The following DENND6B variants were observed in gnomAD, a reference collection of about 807,000 sequenced individuals.
DENND6B encodes the protein protein DENND6B.
DENND6B carries 73 observed loss-of-function variants against 85.1 expected under a neutral mutation model. The observed-to-expected ratio is 0.86, with a 90% CI of 0.71 to 1.04. DENND6B has a LOEUF of 1.04. DENND6B is among the 50% of genes least tolerant of loss of function. The probability of loss-of-function intolerance (pLI) is 0.00; values close to 1 mark genes in which losing one functional copy is unlikely to be tolerated. For missense variants in DENND6B, 715 were observed against 785.8 expected, an observed-to-expected ratio of 0.91 and a Z score of 1.08; for synonymous variants, 357 against 329.3, an observed-to-expected ratio of 1.08 and a Z score of -0.91.
chr22:50,314,504 CAG>C lies in DENND6B; in HGVS notation c.978-12_978-11del, dbSNP rs750622710. 8 of 1,556,194 alleles carry C rather than the reference CAG, an allele frequency of 5.1e-6. No homozygotes were observed. Among genetic ancestry groups the C allele is most frequent in the East Asian group, 2.4e-5 (1 of 41,588 alleles). On this transcript the variant is annotated splice_polypyrimidine_tract_variant and intron_variant, in intron 11 of 19. Transcript: ENST00000413817. ...CAGGACCACGTTTGGTCTAGACAGACAGAGAGAGAGAAGAGGCAGAGACAGAG... is the reference window on the plus strand; with the variant it reads ...CAGGACCACGTTTGGTCTAGACAGACAGAGAGAGAAGAGGCAGAGACAGAG...
rs1448858823 is a variant in DENND6B, at chr22:50,314,485, C to T, written c.987G>A (p.Val329=). Residue 329 remains valine (V), a synonymous_variant, in exon 12 of 20, where the codon GTG becomes GTA. Transcript: ENST00000413817. The part of the protein sequence containing the change: ...FTTRTQAPPN[V]VLGVTNPFFI... ...AGAAAGGGTTTGTGACTCCCAGGACCACGTTTGGTCTAGACAGACAGAGAG... is the reference window on the plus strand; with the variant it reads ...AGAAAGGGTTTGTGACTCCCAGGACTACGTTTGGTCTAGACAGACAGAGAG... The T allele has an allele frequency of 6.4e-7, 1 of 1,559,596 alleles. No homozygotes were observed. The highest frequency in any genetic ancestry group is 2.4e-5 in the East Asian group (1 of 41,952).
chr22:50,317,054 G>T (rs1356048114), intron 5 of DENND6B: 1 of 194,806 alleles, frequency 5.1e-6, no homozygotes, highest in Admixed American at 7.0e-5. Flanking sequence ...GCGGGGGGCC[G>T]CGAGGACAGG....
intron 1 of DENND6B, 77 bp downstream of exon 1, chr22:50,326,735 G>T: frequency 8.1e-7 from 1 of 1,232,544 alleles, no homozygotes; most frequent in South Asian, 2.3e-5. Context: ...GCGGCCGAGG[G>T]CCCCAAGCGA....
intron 1 of DENND6B, among the ~76,000 whole-genome samples, chr22:50,323,370 A>G (rs944471820): frequency 6.8e-5 from 10 of 147,738 alleles, no homozygotes; most frequent in African/African-American, 2.5e-4. Flanking sequence ...GCTCACTGCA[A>G]CCTCCACCTC....
rs756948906 is a variant in DENND6B at position 50,312,121 on chromosome 22, G to A, written c.*18C>T. On this transcript the variant is annotated 3_prime_UTR_variant, in exon 20 of 20. Coordinates refer to ENST00000413817, the MANE Select transcript of DENND6B (RefSeq NM_001001794.4). ...CAGGCAGACCTAGGGCCCTGGGACC[G>A]TGGCCCTTGGCTTTGTTCTAGGGAG... The A allele has an allele frequency of 1.1e-5, 18 of 1,611,100 alleles. No individual in the cohort carries two copies. The highest frequency in any genetic ancestry group is 6.7e-5 in the Admixed American group (4 of 59,920).
At chr22:50,319,665 CCCG>C (rs1437932878) in intron 1 of DENND6B, among the ~76,000 whole-genome samples, 10 of 152,268 alleles carry the variant, frequency 6.6e-5, no homozygotes, top group South Asian at 2.1e-4. Context: ...TCCCTCACCA[CCCG>C]CCAAGCCAGA....
rs2041951587 is a variant in DENND6B at position 50,318,991 on chromosome 22, T to C, written c.190A>G (p.Asn64Asp). Residue 64 changes from asparagine to aspartate, a missense_variant, in exon 2 of 20, where the codon AAC becomes GAC. By Grantham distance (23) the Asn-to-Asp change is conservative (BLOSUM62 1). Transcript: ENST00000413817. The stretch of plus-strand genomic sequence containing the variant: ...TCCTTGTCTGTGAGCCGGAAGTCGT[T>C]CGGATACACCAGCTGCAGAGGAAGA... ...LGQALELVYPNDFRLTDKEKS... is the reference protein window; with the variant it reads ...LGQALELVYPDDFRLTDKEKS... The C allele has an allele frequency of 6.2e-7, 1 of 1,601,820 alleles. No individual in the cohort carries two copies. The highest frequency in any genetic ancestry group is 1.1e-5 in the South Asian group (1 of 89,032).
chr22:50,313,738 A>C lies in DENND6B; in HGVS notation c.1204-14T>G. ...CTTCTGCACGCCCTGCAGGGGAGAG[A>C]GGGCCAGGCCCTTGCTGCGCTTCAC... On this transcript the variant is annotated splice_polypyrimidine_tract_variant and intron_variant, in intron 14 of 19. Coordinates refer to ENST00000413817, the MANE Select transcript of DENND6B (RefSeq NM_001001794.4). The C allele has an allele frequency of 6.2e-7, 1 of 1,604,890 alleles. No individual in the cohort carries two copies. Among genetic ancestry groups the C allele is most frequent in the Non-Finnish European group, 8.5e-7 (1 of 1,177,150 alleles).
chr22:50,320,456 C>T (rs1468182762), intron 1 of DENND6B, among the ~76,000 whole-genome samples: 1 of 152,238 alleles, frequency 6.6e-6, no homozygotes, highest in Non-Finnish European at 1.5e-5. Flanking sequence ...TCTTCCAATG[C>T]AGAGTAAGTC....
At chr22:50,316,541 C>T (rs771168561) in intron 5 of DENND6B, 66 bp from the exon 6 acceptor site, 208 of 1,548,010 alleles carry the variant, frequency 1.3e-4, no homozygotes, top group Non-Finnish European at 1.3e-4. Flanking sequence ...CAGGAGCCCA[C>T]GGGGACCACC....
chr22:50,313,186 C>T, intron 16 of DENND6B, 78 bp from the exon 17 acceptor site: 1 of 1,380,084 alleles, frequency 7.2e-7, no homozygotes, highest in Non-Finnish European at 1.0e-6. Context: ...CAGACACACT[C>T]CTCACCACTT....
chr22:50,324,995 C>T (rs1372790459), intron 1 of DENND6B, among the ~76,000 whole-genome samples: 1 of 152,196 alleles, frequency 6.6e-6, no homozygotes, highest in South Asian at 2.1e-4. Context: ...TGGGTGCTCC[C>T]TAAGTCTGTA....
rs749502822 is a variant in DENND6B at position 50,312,226 on chromosome 22, C to G, written c.1671G>C (p.Glu557Asp). Reference sequence around the variant, plus strand: ...ACAGCTGTGCCCGCTGCAGCGTAGCCTCCTTCACAGGGAGCTGGTGGCCCT... The same window carrying G: ...ACAGCTGTGCCCGCTGCAGCGTAGCGTCCTTCACAGGGAGCTGGTGGCCCT... ...RAQGHQLPVK[E>D]ATLQRAQLYI... The change falls in exon 20 of 20, where the codon GAG (glutamate) becomes GAC (aspartate). Residue 557 changes from glutamate (E) to aspartate (D), a missense_variant. Glu to Asp is a conservative substitution (Grantham distance 45, BLOSUM62 2). Transcript: ENST00000413817. 6.2e-7 allele frequency: 1 copy of G among 1,612,358 alleles called. No individual in the cohort carries two copies. The highest frequency in any genetic ancestry group is 2.2e-5 in the East Asian group (1 of 44,860).
rs532112067 is a variant in DENND6B, at chr22:50,313,195, T to C, written c.1348-87A>G. 24 of 1,336,282 alleles carry C rather than the reference T, an allele frequency of 1.8e-5. No homozygotes were observed. In the Middle Eastern group the frequency reaches 7.3e-4, roughly 41 times the overall value. 82.8% of individuals were successfully genotyped at this position (1,336,282 alleles called of 1,614,324 possible). On this transcript the variant is annotated intron_variant, in intron 16 of 19. Transcript: ENST00000413817. ...GCTTCCCAGACACACTCCTCACCAC[T>C]TCTGAAGACCCCCAGCCCCCACCCT...
At chr22:50,318,516 G>A (rs2041929870) in intron 3 of DENND6B, among the ~76,000 whole-genome samples, 1 of 152,166 alleles carries the variant, frequency 6.6e-6, no homozygotes, top group East Asian at 1.9e-4. Flanking sequence ...AGAAAACCAG[G>A]CACCAGAAAA....
At chr22:50,315,636 A>C in intron 9 of DENND6B, 78 bp downstream of exon 9, 2 of 1,465,172 alleles carry the variant, frequency 1.4e-6, no homozygotes, top group Non-Finnish European at 1.9e-6. Flanking sequence ...TCACACACAG[A>C]TGCACACATG....
intron 4 of DENND6B, 36 bp downstream of exon 4, chr22:50,317,872 G>T: frequency 1.3e-6 from 2 of 1,579,592 alleles, no homozygotes; most frequent in South Asian, 1.1e-5. Flanking sequence ...TGGGGAGCAG[G>T]GGAGAAGCAG....
intron 1 of DENND6B, among the ~76,000 whole-genome samples, chr22:50,323,891 C>G (rs1322535576): frequency 6.6e-6 from 1 of 152,130 alleles, no homozygotes; most frequent in East Asian, 1.9e-4. Flanking sequence ...TGCCACCACA[C>G]CTGGCTAATT....
chr22:50,317,554 C>T (rs1277399630), intron 4 of DENND6B, among the ~76,000 whole-genome samples, 181 bp from the exon 5 acceptor site: 1 of 152,096 alleles, frequency 6.6e-6, no homozygotes, highest in Non-Finnish European at 1.5e-5. Flanking sequence ...AGGTCCTGGG[C>T]TCAGAAGGTG....
Sources: allele counts gnomAD v4.1 joint callset (sites outside exome capture counted in the v4.1 genomes callset), GRCh38; gene constraint gnomAD v4.1.1; transcripts MANE v1.5; gene names NCBI Gene and HGNC (gene_info 2026-07-23, HGNC 2026-07-21).